Variants in FLI1 observed in about 807,000 individuals in gnomAD.
The protein encoded by FLI1 is Friend leukemia integration 1 transcription factor.
In FLI1, 13 loss-of-function variants were observed where a neutral mutation model predicts 53.1. The observed-to-expected ratio is 0.24, with a 90% CI of 0.16 to 0.39. The LOEUF (loss-of-function observed/expected upper bound fraction) is 0.39. FLI1 is among the 10% of genes least tolerant of loss of function. The probability of loss-of-function intolerance (pLI) is 1.00; values close to 1 mark genes in which losing one functional copy is unlikely to be tolerated. For missense variants in FLI1, 424 were observed against 600.5 expected, an observed-to-expected ratio of 0.71 and a Z score of 3.07; for synonymous variants, 244 against 236.7, an observed-to-expected ratio of 1.03 and a Z score of -0.28.
upstream of FLI1, among the ~76,000 whole-genome samples, chr11:128,691,453 T>G (rs893881732): frequency 6.6e-6 from 1 of 152,120 alleles, no homozygotes; most frequent in Admixed American, 6.6e-5. Context: ...TCTTTCTGGG[T>G]GGAGACCTCT....
chr11:128,760,520 CTTTTTTTTTTTTTTT>C (rs1179242159), intron 2 of FLI1, among the ~76,000 whole-genome samples: 1 of 103,572 alleles, frequency 9.7e-6, no homozygotes, highest in Non-Finnish European at 2.0e-5. Flanking sequence ...GTGGAGATTC[CTTTTTTTTTTTTTTT>C]TTTTTTTTTT....
chr11:128,802,876 C>T (rs1591387355), intron 5 of FLI1, among the ~76,000 whole-genome samples: 2 of 152,328 alleles, frequency 1.3e-5, no homozygotes, highest in South Asian at 2.1e-4. Flanking sequence ...TGCATGCCTG[C>T]TCTGTCCCTG....
chr11:128,690,336 G>A (rs1280045557), upstream of FLI1, among the ~76,000 whole-genome samples: 2 of 152,182 alleles, frequency 1.3e-5, no homozygotes, highest in South Asian at 2.1e-4. Flanking sequence ...CGGAGGGAGA[G>A]GAGCGGCCCG....
Position 128,799,039 on chromosome 11 carries a change from TA to T in FLI1, c.656-6326del, listed in dbSNP as rs1323250967. On this transcript the variant is annotated intron_variant, in intron 5 of 8. Coordinates refer to ENST00000527786, the MANE Select transcript of FLI1 (RefSeq NM_002017.5). Reference sequence around the variant, plus strand: ...TTTATTATATTATTATTATTATTATTATTATTATTATTATTTTGCTTTGGAG... The same window carrying T: ...TTTATTATATTATTATTATTATTATTTTATTATTATTATTTTGCTTTGGAG... Among the ~76,000 whole-genome samples the T allele has an allele frequency of 2.7e-3, 368 of 136,460 alleles. 9 individuals are homozygous for T. Among genetic ancestry groups the T allele is most frequent in the Middle Eastern group, 8.5e-3 (2 of 236 alleles). The allele number at this position is 136,460 out of a possible 152,430, so 89.5% of individuals were successfully genotyped here.
chr11:128,766,965 C>CCAT (rs3831824), intron 2 of FLI1, among the ~76,000 whole-genome samples: 1 of 152,036 alleles, frequency 6.6e-6, no homozygotes, highest in Non-Finnish European at 1.5e-5. Context: ...CTTGGCCTTC[C>CCAT]CATCGTCTCC....
chr11:128,705,607 T>C (rs1388729191), intron 1 of FLI1, among the ~76,000 whole-genome samples: 1 of 152,142 alleles, frequency 6.6e-6, no homozygotes, highest in Non-Finnish European at 1.5e-5. Flanking sequence ...TAAAAGGAAA[T>C]CATTGAGTAG....
At chr11:128,744,397 C>CT (rs1201996874) in intron 1 of FLI1, among the ~76,000 whole-genome samples, 1 of 152,114 alleles carries the variant, frequency 6.6e-6, no homozygotes, top group Non-Finnish European at 1.5e-5. Flanking sequence ...GATAAAGTGC[C>CT]TTTTCTGTAC....
chr11:128,772,707 G>A, intron 3 of FLI1, 75 bp from the exon 4 acceptor site: 1 of 1,154,338 alleles, frequency 8.7e-7, no homozygotes, highest in Admixed American at 1.7e-5. Flanking sequence ...GACAAGGGGT[G>A]AGGGAGGCTG....
chr11:128,714,128 G>A (rs762753164), intron 1 of FLI1, among the ~76,000 whole-genome samples: 52 of 150,700 alleles, frequency 3.5e-4, no homozygotes, highest in Non-Finnish European at 5.6e-4. Flanking sequence ...GAAGATTCTA[G>A]GAGGCTGAAT....
chr11:128,792,678 T>C (rs1465289506), intron 5 of FLI1, among the ~76,000 whole-genome samples: 1 of 152,066 alleles, frequency 6.6e-6, no homozygotes, highest in Non-Finnish European at 1.5e-5. Context: ...TTTTTTTTCA[T>C]TGTTATGCTT....
intron 3 of FLI1, 120 bp downstream of exon 3, chr11:128,768,392 T>C: frequency 7.8e-7 from 1 of 1,281,822 alleles, no homozygotes; most frequent in African/African-American, 1.5e-5. Flanking sequence ...TGGAGAAAGC[T>C]GCACGCCAGC....
At position 128,784,250 on chromosome 11, in the gene FLI1, CCTCCTCCTCCTCCTCCTCCTG is replaced by C. The variant is rs1942015636; in HGVS notation, c.655+2230_655+2250del. 3.0e-5 allele frequency among the ~76,000 whole-genome samples: 3 copies of C among 98,954 alleles called. No individual in the cohort carries two copies. In the South Asian group the frequency reaches 9.4e-4, roughly 31 times the overall value. 64.9% of individuals were successfully genotyped at this position (98,954 alleles called of 152,430 possible). ...TCCTCCTCCTCCTCCTCCTCCTCCT[CCTCCTCCTCCTCCTCCTCCTG>C]CTGTCTTATTGTTCAGCCGTGTCCT... On this transcript the variant is annotated intron_variant, in intron 5 of 8. Transcript: ENST00000527786.
intron 1 of FLI1, among the ~76,000 whole-genome samples, chr11:128,711,320 C>G (rs1307693675): frequency 6.6e-6 from 1 of 152,184 alleles, no homozygotes; most frequent in Non-Finnish European, 1.5e-5. Context: ...TCTGAGTCAG[C>G]AATGTGTTGT....
At chr11:128,742,185 C>T (rs1435588580) in intron 1 of FLI1, among the ~76,000 whole-genome samples, 3 of 152,168 alleles carry the variant, frequency 2.0e-5, no homozygotes, top group Admixed American at 6.5e-5. Context: ...CCATTTAGCT[C>T]ACTGTAGAAA....
At chr11:128,766,184 T>C (rs10893916) in intron 2 of FLI1, among the ~76,000 whole-genome samples, 23,602 of 152,206 alleles carry the variant, frequency 0.16, 3,540 homozygotes, top group African/African-American at 0.39. Context: ...TCAGCTCAGA[T>C]GCAGGCACCA....
At chr11:128,773,261 A>T (rs2135845435) in intron 4 of FLI1, among the ~76,000 whole-genome samples, 2 of 152,262 alleles carry the variant, frequency 1.3e-5, no homozygotes, top group East Asian at 3.9e-4. Flanking sequence ...TTCCCATGAG[A>T]CCGCCTTTCC....
intron 2 of FLI1, among the ~76,000 whole-genome samples, chr11:128,765,847 ATG>A (rs1941321081): frequency 6.6e-6 from 1 of 151,650 alleles, no homozygotes; most frequent in Admixed American, 6.6e-5. Context: ...CATGTGTTGA[ATG>A]TGTGTGCAGA....
intron 4 of FLI1, 77 bp downstream of exon 4, chr11:128,773,062 C>T (rs902202555): frequency 2.1e-5 from 29 of 1,379,228 alleles, no homozygotes; most frequent in African/African-American, 2.0e-4. Flanking sequence ...GTCAGTGCTG[C>T]CCGTTCGTGT....
intron 1 of FLI1, among the ~76,000 whole-genome samples, chr11:128,726,183 C>A (rs1477688417): frequency 2.0e-5 from 3 of 152,156 alleles, no homozygotes; most frequent in Non-Finnish European, 4.4e-5. Flanking sequence ...TAAATCTCCC[C>A]CAACCGCTGG....
Sources: allele counts gnomAD v4.1 joint callset (sites outside exome capture counted in the v4.1 genomes callset), GRCh38; gene constraint gnomAD v4.1.1; transcripts MANE v1.5; gene names NCBI Gene and HGNC (gene_info 2026-07-23, HGNC 2026-07-21).